Variants in CFAP299 observed in about 807,000 individuals in gnomAD.
CFAP299 encodes the protein cilia and flagella associated protein 299, also known as cilia- and flagella-associated protein 299.
In CFAP299, 21 loss-of-function variants were observed where a neutral mutation model predicts 27.0. That is an observed-to-expected ratio of 0.78 (90% CI 0.55 to 1.12). The LOEUF (loss-of-function observed/expected upper bound fraction) is 1.12, where lower values mean the gene tolerates loss of function less well. Among genes scored for constraint, CFAP299 ranks in the 50% most tolerant of loss-of-function variants. CFAP299 has a pLI of 0.00. For synonymous variants in CFAP299, 104 were observed against 98.1 expected, an observed-to-expected ratio of 1.06 and a Z score of -0.36; for missense variants, 310 against 276.6, an observed-to-expected ratio of 1.12 and a Z score of -0.86.
chr4:80,916,293 A>ATATATATATATT (rs1735760867), intron 4 of CFAP299, among the ~76,000 whole-genome samples: 1 of 126,646 alleles, frequency 7.9e-6, no homozygotes, highest in Non-Finnish European at 1.6e-5. Context: ...ATATATATAT[A>ATATATATATATT]TATTTCAGGT....
chr4:80,810,249 G>A (rs577726436), intron 3 of CFAP299, among the ~76,000 whole-genome samples: 2 of 151,612 alleles, frequency 1.3e-5, no homozygotes, highest in Non-Finnish European at 2.9e-5. Flanking sequence ...ATTTGTTAAC[G>A]TTCCCTACCC....
At chr4:80,540,275 C>A (rs1032258584) in intron 2 of CFAP299, among the ~76,000 whole-genome samples, 4 of 152,142 alleles carry the variant, frequency 2.6e-5, no homozygotes, top group African/African-American at 9.7e-5. Context: ...TCCTGAATTT[C>A]ATTTTAATAA....
At chr4:80,709,592 G>C (rs1369709410) in intron 3 of CFAP299, among the ~76,000 whole-genome samples, 1 of 152,154 alleles carries the variant, frequency 6.6e-6, no homozygotes, top group Non-Finnish European at 1.5e-5. Flanking sequence ...GGCTCACACT[G>C]TTCTGTCATT....
chr4:80,739,242 TA>T (rs1426704328), intron 3 of CFAP299, among the ~76,000 whole-genome samples: 4 of 152,184 alleles, frequency 2.6e-5, no homozygotes, highest in Non-Finnish European at 5.9e-5. Flanking sequence ...CCTATGTGCT[TA>T]CTATTACCAG....
At chr4:80,424,078 T>C (rs1040998698) in intron 2 of CFAP299, among the ~76,000 whole-genome samples, 6 of 152,216 alleles carry the variant, frequency 3.9e-5, no homozygotes, top group African/African-American at 1.4e-4. Flanking sequence ...CTTGTTTCTT[T>C]TCTATGTGGA....
At chr4:80,736,711 G>T (rs1723903823) in intron 3 of CFAP299, among the ~76,000 whole-genome samples, 1 of 152,132 alleles carries the variant, frequency 6.6e-6, no homozygotes, top group African/African-American at 2.4e-5. Context: ...TTACACTGTT[G>T]GTGGGACTGT....
chr4:80,688,722 G>T (rs1302465916), intron 3 of CFAP299, among the ~76,000 whole-genome samples: 2 of 152,154 alleles, frequency 1.3e-5, no homozygotes, highest in Non-Finnish European at 2.9e-5. Context: ...AGAGAAGAAG[G>T]CTTCAGATGA....
chr4:80,630,903 A>G (rs940174183), intron 3 of CFAP299, among the ~76,000 whole-genome samples: 1 of 152,086 alleles, frequency 6.6e-6, no homozygotes, highest in Non-Finnish European at 1.5e-5. Context: ...TTTAGAAATT[A>G]ATTAGGATTT....
intron 4 of CFAP299, among the ~76,000 whole-genome samples, chr4:80,882,475 A>T (rs550080887): frequency 2.6e-5 from 4 of 151,962 alleles, no homozygotes. Context: ...CGTCTCTACT[A>T]AAAGTACAAA....
At chr4:80,778,016 CT>C (rs1201022828) in intron 3 of CFAP299, among the ~76,000 whole-genome samples, 1 of 152,072 alleles carries the variant, frequency 6.6e-6, no homozygotes, top group East Asian at 1.9e-4. Context: ...ACTTTTAGCT[CT>C]TTGAGTTGAA....
intron 4 of CFAP299, among the ~76,000 whole-genome samples, chr4:80,883,683 G>A (rs1486142385): frequency 6.6e-6 from 1 of 151,952 alleles, no homozygotes. Context: ...TTTCACAAGG[G>A]ATAAAGAAGT....
At chr4:80,386,732 T>C in intron 2 of CFAP299, 1 of 1,548,614 alleles carries the variant, frequency 6.5e-7, no homozygotes, top group East Asian at 2.3e-5. Context: ...CATGCCGGAG[T>C]GGGAGAGGAC....
At chr4:80,334,553 T>G (rs1225229986), upstream of CFAP299, among the ~76,000 whole-genome samples, 3 of 152,292 alleles carry the variant, frequency 2.0e-5, no homozygotes, top group East Asian at 3.9e-4. Flanking sequence ...TGGGAGTCAC[T>G]GTACCTGGCC....
In CFAP299 at chr4:80,583,990, C is replaced by G. The variant is rs1736306074; in HGVS notation, c.333+807C>G. On this transcript the variant is annotated intron_variant, in intron 3 of 5. Transcript: ENST00000358105. ...GGAGTTTTTCCCACTATCAGGTCCA[C>G]TGAAAATATCACATGCAGGCAAAAC... is the stretch of plus-strand genomic sequence containing the variant. Among the ~76,000 whole-genome samples the G allele has an allele frequency of 2.0e-5, 3 of 151,964 alleles. No individual in the cohort carries two copies. The South Asian group carries it at 6.2e-4, about 31-fold the overall frequency.
chr4:80,927,677 T>C (rs1389786709), intron 4 of CFAP299, among the ~76,000 whole-genome samples: 2 of 152,134 alleles, frequency 1.3e-5, no homozygotes, highest in African/African-American at 4.8e-5. Flanking sequence ...GCTATTGGAC[T>C]GAGTCCCATG....
chr4:80,900,436 A>G (rs1171459696), intron 4 of CFAP299, among the ~76,000 whole-genome samples: 1 of 152,134 alleles, frequency 6.6e-6, no homozygotes, highest in African/African-American at 2.4e-5. Flanking sequence ...AAAATATCAG[A>G]CATGCCAGCA....
At chr4:80,651,083 G>T (rs1232130150) in intron 3 of CFAP299, among the ~76,000 whole-genome samples, 1 of 151,926 alleles carries the variant, frequency 6.6e-6, no homozygotes, top group Non-Finnish European at 1.5e-5. Context: ...GTATATTTTT[G>T]TAAATTTTAT....
intron 5 of CFAP299, among the ~76,000 whole-genome samples, chr4:80,947,253 G>A (rs1560488365): frequency 6.6e-6 from 1 of 152,082 alleles, no homozygotes; most frequent in Non-Finnish European, 1.5e-5. Flanking sequence ...GCAAGCATTT[G>A]GTTAATGAGT....
intron 2 of CFAP299, chr4:80,388,671 T>A (rs751722445): frequency 2.8e-5 from 31 of 1,091,410 alleles, no homozygotes; most frequent in Non-Finnish European, 4.3e-5. Flanking sequence ...GCTAGAATGG[T>A]CTGGTTGTCC....
Sources: allele counts gnomAD v4.1 joint callset (sites outside exome capture counted in the v4.1 genomes callset), GRCh38; gene constraint gnomAD v4.1.1; transcripts MANE v1.5; gene names NCBI Gene and HGNC (gene_info 2026-07-23, HGNC 2026-07-21).